Variants in EYA1 observed in about 807,000 individuals in gnomAD.
EYA1 encodes EYA transcriptional coactivator and phosphatase 1.
Under a neutral mutation model 82.0 loss-of-function variants are expected in EYA1, and 16 were observed. The ratio of observed to expected loss-of-function variants is 0.20; its 90% CI spans 0.13 to 0.30. The LOEUF is 0.30. Among genes scored for constraint, EYA1 ranks in the 10% least tolerant of loss-of-function variants. EYA1 has a pLI of 1.00. For missense variants in EYA1, 633 were observed against 730.7 expected (o/e 0.87, Z 1.54); for synonymous variants, 261 against 264.4 (o/e 0.99, Z 0.12).
chr8:71,228,807 G>C (rs1314293773), intron 12 of EYA1, among the ~76,000 whole-genome samples: 1 of 152,186 alleles, frequency 6.6e-6, no homozygotes, highest in Non-Finnish European at 1.5e-5. Context: ...ACTGGCTAGA[G>C]AGAAAGGGTA....
At chr8:71,453,980 T>A (rs1807638245) in intron 2 of EYA1, among the ~76,000 whole-genome samples, 1 of 152,108 alleles carries the variant, frequency 6.6e-6, no homozygotes. Context: ...ACTGGCAAAT[T>A]GGATAAAGAG....
chr8:71,399,147 C>T (rs966719108), intron 2 of EYA1, among the ~76,000 whole-genome samples: 8 of 152,170 alleles, frequency 5.3e-5, no homozygotes, highest in African/African-American at 1.2e-4. Context: ...GTTGGAAAAC[C>T]GCAGTATTAG....
chr8:71,370,606 G>T (rs1187331730), intron 2 of EYA1, among the ~76,000 whole-genome samples: 1 of 151,696 alleles, frequency 6.6e-6, no homozygotes, highest in Non-Finnish European at 1.5e-5. Flanking sequence ...TAGGAAAACA[G>T]CAACACATTT....
At chr8:71,444,406 GT>G (rs1194353204) in intron 2 of EYA1, among the ~76,000 whole-genome samples, 21 of 152,218 alleles carry the variant, frequency 1.4e-4, no homozygotes. Flanking sequence ...TGAAGTTATT[GT>G]TTGGCAGGAA....
In EYA1 at chr8:71,361,816, A is replaced by AAGCTCGGCGCAGGGGGC. The variant is rs1359348208; in HGVS notation, c.-241_-225dup. ...GGGAGTGGAGCGCCTCTGCAGGGGA[A>AAGCTCGGCGCAGGGGGC]AGCTCGGCGCAGGGGGCAGGCGCCT... is the stretch of plus-strand genomic sequence containing the variant. On this transcript the variant is annotated 5_prime_UTR_variant, in exon 1 of 18. It removes the in-frame stop codon of an upstream open reading frame in the 5' UTR. Transcript: ENST00000340726. The AAGCTCGGCGCAGGGGGC allele has an allele frequency of 1.0e-6, 1 of 985,346 alleles. No homozygotes were observed. Among genetic ancestry groups the AAGCTCGGCGCAGGGGGC allele is most frequent in the Admixed American group, 6.1e-5 (1 of 16,272 alleles). The allele number at this position is 985,346 out of a possible 1,614,324, so 61.0% of individuals were successfully genotyped here. A position where few individuals can be genotyped will look rare whatever the true frequency, so the allele number is the denominator to read the frequency against.
At chr8:71,434,220 T>C (rs1303406043) in intron 2 of EYA1, among the ~76,000 whole-genome samples, 1 of 152,208 alleles carries the variant, frequency 6.6e-6, no homozygotes, top group African/African-American at 2.4e-5. Context: ...CTAGACATTA[T>C]TGTAGTTGCA....
chr8:71,290,135 A>AT (rs1818836773), intron 9 of EYA1, among the ~76,000 whole-genome samples: 1 of 152,210 alleles, frequency 6.6e-6, no homozygotes, highest in African/African-American at 2.4e-5. Flanking sequence ...CTTACTATCA[A>AT]CATAGAAATA....
intron 2 of EYA1, among the ~76,000 whole-genome samples, chr8:71,501,361 A>G (rs577750757): frequency 6.6e-6 from 1 of 152,336 alleles, no homozygotes; most frequent in African/African-American, 2.4e-5. Context: ...TGGTTTTGAG[A>G]TGATTTAAAA....
At chr8:71,537,997 G>GT (rs1160073213) in intron 1 of EYA1, among the ~76,000 whole-genome samples, 1 of 152,176 alleles carries the variant, frequency 6.6e-6, no homozygotes, top group Non-Finnish European at 1.5e-5. Flanking sequence ...GATGCCTCCA[G>GT]TAAAAAGACT....
At chr8:71,492,849 A>T (rs993213091) in intron 2 of EYA1, among the ~76,000 whole-genome samples, 11 of 152,156 alleles carry the variant, frequency 7.2e-5, no homozygotes, top group African/African-American at 2.4e-4. Context: ...TATGCAGATT[A>T]TTTCATCACC....
intron 3 of EYA1, among the ~76,000 whole-genome samples, chr8:71,348,039 T>C (rs1224170163): frequency 6.6e-6 from 1 of 152,170 alleles, no homozygotes; most frequent in Non-Finnish European, 1.5e-5. Flanking sequence ...TCTACTATAG[T>C]ATAGGCAATA....
At chr8:71,288,188 C>T (rs955573116) in intron 9 of EYA1, among the ~76,000 whole-genome samples, 4 of 152,176 alleles carry the variant, frequency 2.6e-5, no homozygotes, top group African/African-American at 9.7e-5. Flanking sequence ...AAACATTGGA[C>T]ATTACACTCA....
intron 7 of EYA1, among the ~76,000 whole-genome samples, chr8:71,315,628 CT>C (rs1315348202): frequency 6.6e-6 from 1 of 152,222 alleles, no homozygotes; most frequent in Non-Finnish European, 1.5e-5. Context: ...GCAAACAGAC[CT>C]TGTCTGCCTT....
intron 2 of EYA1, among the ~76,000 whole-genome samples, chr8:71,452,538 C>A (rs543588290): frequency 1.3e-5 from 2 of 152,276 alleles, no homozygotes; most frequent in South Asian, 2.1e-4. Flanking sequence ...CAGACTGACA[C>A]CTCACACGAC....
rs141477432 is a variant in EYA1 at position 71,347,830 on chromosome 8, G to A, written c.124+6952C>T. Among the ~76,000 whole-genome samples, 163 of 136,478 alleles carry A rather than the reference G, an allele frequency of 1.2e-3. 1 individual carries two copies. The highest frequency in any genetic ancestry group is 4.2e-3 in the African/African-American group (157 of 36,958). The allele number at this position is 136,478 out of a possible 152,430, so 89.5% of individuals were successfully genotyped here. ...GTACATAAACATACCTCTTTGGAATGTGTTTGGTAGAGTCTGTCTACCATT... is the reference window on the plus strand; with the variant it reads ...GTACATAAACATACCTCTTTGGAATATGTTTGGTAGAGTCTGTCTACCATT... On this transcript the variant is annotated intron_variant, in intron 3 of 17. Transcript: ENST00000340726.
At chr8:71,526,593 C>G (rs962862526) in intron 2 of EYA1, among the ~76,000 whole-genome samples, 3 of 152,184 alleles carry the variant, frequency 2.0e-5, no homozygotes, top group Non-Finnish European at 2.9e-5. Context: ...ATGGCTCACT[C>G]CCATGGTTGT....
intron 2 of EYA1, among the ~76,000 whole-genome samples, chr8:71,523,061 A>C (rs1813522553): frequency 6.6e-6 from 1 of 152,090 alleles, no homozygotes; most frequent in Non-Finnish European, 1.5e-5. Context: ...GTGCCTTTAG[A>C]ATTTACTATC....
At chr8:71,212,894 T>C (rs906377523) in intron 16 of EYA1, among the ~76,000 whole-genome samples, 1 of 152,118 alleles carries the variant, frequency 6.6e-6, no homozygotes, top group South Asian at 2.1e-4. Context: ...CTGGCTAACA[T>C]GGAGAAACCC....
intron 3 of EYA1, among the ~76,000 whole-genome samples, chr8:71,350,814 C>T (rs568641034): frequency 1.6e-4 from 24 of 152,282 alleles, no homozygotes; most frequent in Admixed American, 1.2e-3. Context: ...CAATCTTAAG[C>T]TCCCATGGAC....
Sources: gnomAD v4.1 joint callset for allele counts (sites outside exome capture counted in the v4.1 genomes callset) on GRCh38, gnomAD v4.1.1 for gene constraint, MANE v1.5 for transcripts, NCBI Gene and HGNC (gene_info 2026-07-23, HGNC 2026-07-21) for gene names.